The following ZNF43 variants were observed in gnomAD, a reference collection of about 807,000 sequenced individuals.
ZNF43 encodes the protein zinc finger protein 39-like 1 (KOX 27).
A neutral mutation model predicts 68.4 loss-of-function variants in ZNF43; 44 were observed. The observed-to-expected ratio is 0.64, with a 90% confidence interval of 0.51 to 0.83. ZNF43 has a LOEUF of 0.83. Among genes scored for constraint, ZNF43 ranks in the 40% least tolerant of loss-of-function variants. ZNF43 has a pLI of 0.00. For missense variants in ZNF43, 896 were observed against 933.2 expected (o/e 0.96, Z 0.52); for synonymous variants, 308 against 307.8 (o/e 1.00, Z -0.01).
intron 3 of ZNF43, among the ~76,000 whole-genome samples, chr19:21,815,507 A>ATT (rs991619186): frequency 2.9e-5 from 4 of 140,162 alleles, no homozygotes; most frequent in Non-Finnish European, 6.3e-5. Context: ...ATATATATAT[A>ATT]TTTTGCAGAA....
chr19:21,838,626 C>T (rs1194503615), upstream of ZNF43, among the ~76,000 whole-genome samples: 1 of 152,116 alleles, frequency 6.6e-6, no homozygotes, highest in Non-Finnish European at 1.5e-5. Context: ...TCTCAAACTC[C>T]TGACCTCAGG....
chr19:21,846,303 A>G (rs551653159), intron 1 of ZNF43, among the ~76,000 whole-genome samples: 1 of 152,262 alleles, frequency 6.6e-6, no homozygotes. Flanking sequence ...GAGACCTATT[A>G]TTTAGGTGAT....
At chr19:21,841,782 T>C (rs1363572395) in intron 1 of ZNF43, 1 of 152,200 alleles carries the variant, frequency 6.6e-6, no homozygotes, top group Non-Finnish European at 1.5e-5. Flanking sequence ...AGGGTTCAGG[T>C]AGAAGTTACA....
At chr19:21,819,043 A>G in intron 2 of ZNF43, 52 bp downstream of exon 2, 1 of 1,567,372 alleles carries the variant, frequency 6.4e-7, no homozygotes, top group Non-Finnish European at 8.6e-7. Flanking sequence ...ACAGAAAACA[A>G]AAATGAAATC....
At chr19:21,839,675 T>C (rs1363332431), upstream of ZNF43, 1 of 152,214 alleles carries the variant, frequency 6.6e-6, no homozygotes, top group Non-Finnish European at 1.5e-5. Context: ...ATTTGGTTTC[T>C]GGGCTCAAAT....
At chr19:21,828,850 G>A (rs1341969736) in intron 1 of ZNF43, among the ~76,000 whole-genome samples, 3 of 151,418 alleles carry the variant, frequency 2.0e-5, no homozygotes, top group African/African-American at 4.9e-5. Context: ...TGGCTAACAC[G>A]GTGAAACCCC....
At chr19:21,836,996 A>G (rs1407411114), upstream of ZNF43, among the ~76,000 whole-genome samples, 4 of 152,242 alleles carry the variant, frequency 2.6e-5, no homozygotes, top group Non-Finnish European at 1.5e-5. Context: ...AGCATATACA[A>G]AAAGAGAACA....
upstream of ZNF43, chr19:21,840,239 C>T (rs1967427957): frequency 6.6e-6 from 1 of 152,222 alleles, no homozygotes; most frequent in South Asian, 2.1e-4. Flanking sequence ...TACAGAGTCA[C>T]ACCACCTAGA....
intron 1 of ZNF43, among the ~76,000 whole-genome samples, chr19:21,825,319 T>C (rs2038061344): frequency 2.6e-5 from 4 of 152,196 alleles, no homozygotes; most frequent in Admixed American, 2.0e-4. Context: ...ATTGATTGGA[T>C]ATACATTGTT....
intron 1 of ZNF43, among the ~76,000 whole-genome samples, chr19:21,831,036 T>A (rs1356028419): frequency 6.6e-6 from 1 of 152,202 alleles, no homozygotes; most frequent in Non-Finnish European, 1.5e-5. Flanking sequence ...GAAAAATCTT[T>A]CAAGAAAATT....
intron 1 of ZNF43, chr19:21,851,804 G>T: frequency 1.5e-6 from 2 of 1,309,696 alleles, no homozygotes; most frequent in Non-Finnish European, 2.0e-6. Flanking sequence ...GGGCGGAGCT[G>T]CGCCAGCGAC....
In ZNF43 at chr19:21,808,439, G is replaced by A; in HGVS notation, c.1598C>T (p.Thr533Ile). 2 of 1,613,074 alleles carry A rather than the reference G, an allele frequency of 1.2e-6. No individual in the cohort carries two copies. Among genetic ancestry groups the A allele is most frequent in the Non-Finnish European group, 1.7e-6 (2 of 1,179,864 alleles). The change falls in exon 4 of 4, where the codon ACT becomes ATT. Residue 533 changes from threonine to isoleucine, a missense_variant. Transcript: ENST00000354959. ...TTCACATTTGTAGGGTTTCTCTCCA[G>A]TATGAGTTATCTTATGTTCAGTAAG... Reference protein sequence around the residue: ...SKLTEHKITHTGEKPYKCEEC... With the variant: ...SKLTEHKITHIGEKPYKCEEC...
chr19:21,837,629 T>C (rs751147037), upstream of ZNF43, among the ~76,000 whole-genome samples: 72 of 152,142 alleles, frequency 4.7e-4, no homozygotes, highest in Non-Finnish European at 7.6e-4. Context: ...GATTACTCGA[T>C]AATTAAAAAT....
intron 1 of ZNF43, among the ~76,000 whole-genome samples, chr19:21,844,921 A>AAT (rs1181354510): frequency 0.11 from 2,879 of 25,886 alleles, 157 homozygotes; most frequent in Admixed American, 0.15. Flanking sequence ...AAAAAAAAAA[A>AAT]ATATATATAT....
At chr19:21,821,896 C>CTGAG (rs1418063189) in intron 1 of ZNF43, among the ~76,000 whole-genome samples, 2 of 150,184 alleles carry the variant, frequency 1.3e-5, no homozygotes, top group Non-Finnish European at 3.0e-5. Context: ...AGCTCTTGAT[C>CTGAG]TGAGACATGT....
intron 3 of ZNF43, among the ~76,000 whole-genome samples, chr19:21,815,958 G>C (rs893330493): frequency 6.6e-6 from 1 of 152,012 alleles, no homozygotes; most frequent in Non-Finnish European, 1.5e-5. Context: ...GTACTTGGGA[G>C]GCTGAGGCAG....
chr19:21,836,846 C>T (rs925257386), upstream of ZNF43, among the ~76,000 whole-genome samples: 19 of 152,174 alleles, frequency 1.2e-4, no homozygotes, highest in African/African-American at 4.6e-4. Context: ...ACAAAGTCAG[C>T]CTCCCAAAGT....
intron 1 of ZNF43, among the ~76,000 whole-genome samples, chr19:21,844,921 A>AAAAAAAATATATATAT (rs1310761266): frequency 3.8e-5 from 1 of 26,048 alleles, no homozygotes; most frequent in African/African-American, 2.2e-4. Flanking sequence ...AAAAAAAAAA[A>AAAAAAAATATATATAT]ATATATATAT....
chr19:21,836,322 C>T (rs1257809542), upstream of ZNF43: 8 of 1,130,494 alleles, frequency 7.1e-6, no homozygotes, highest in Non-Finnish European at 9.1e-6. Context: ...TGTGATCAGA[C>T]GCTGGGCTGA....
Sources: gnomAD v4.1 joint callset for allele counts (sites outside exome capture counted in the v4.1 genomes callset) on GRCh38, gnomAD v4.1.1 for gene constraint, MANE v1.5 for transcripts, NCBI Gene and HGNC (gene_info 2026-07-23, HGNC 2026-07-21) for gene names.